PIK3C2G: variants seen among roughly 807,000 people sequenced by gnomAD.
PIK3C2G encodes phosphatidylinositol-4-phosphate 3-kinase catalytic subunit type 2 gamma.
Under a neutral mutation model 181.1 loss-of-function variants are expected in PIK3C2G, and 168 were observed. The observed-to-expected ratio is 0.93, with a 90% CI of 0.82 to 1.05. The LOEUF (loss-of-function observed/expected upper bound fraction) is 1.05, where lower values mean the gene tolerates loss of function less well. Among genes scored for constraint, PIK3C2G ranks in the 50% least tolerant of loss-of-function variants. The probability of loss-of-function intolerance (pLI) is 0.00; values close to 1 mark genes in which losing one functional copy is unlikely to be tolerated. For missense variants in PIK3C2G, 1,869 were observed against 1,732.8 expected, an observed-to-expected ratio of 1.08 and a Z score of -1.40; for synonymous variants, 573 against 592.2, an observed-to-expected ratio of 0.97 and a Z score of 0.47.
At chr12:18,400,668 A>G (rs1333968187) in intron 16 of PIK3C2G, among the ~76,000 whole-genome samples, 6 of 152,102 alleles carry the variant, frequency 3.9e-5, no homozygotes, top group Non-Finnish European at 5.9e-5. Context: ...TTATTTACCA[A>G]TGAGTGTCCT....
Position 18,618,283 on chromosome 12 carries a change from A to G in PIK3C2G, c.4182+8654A>G, listed in dbSNP as rs182931089. ...CTGTGTTTGCCAGAGACTATAGGAA[A>G]GTCCCCGATAAAAGACAGAAGGGTA... On this transcript the variant is annotated intron_variant, in intron 31 of 32. Transcript: ENST00000538779. 3.5e-3 allele frequency among the ~76,000 whole-genome samples: 532 copies of G among 152,232 alleles called. 2 individuals are homozygous for G. The highest frequency in any genetic ancestry group is 4.5e-3 in the Non-Finnish European group (306 of 68,012).
chr12:18,480,076 G>A (rs535540165), intron 18 of PIK3C2G, among the ~76,000 whole-genome samples: 8 of 152,264 alleles, frequency 5.3e-5, no homozygotes, highest in Admixed American at 1.3e-4. Flanking sequence ...AGTGGCTGGA[G>A]CCAAGGCTTT....
At chr12:18,353,147 A>G (rs545218278) in intron 11 of PIK3C2G, among the ~76,000 whole-genome samples, 148 of 152,258 alleles carry the variant, frequency 9.7e-4, no homozygotes, top group African/African-American at 3.3e-3. Context: ...TAAAATATGG[A>G]AGATGACCAA....
intron 18 of PIK3C2G, among the ~76,000 whole-genome samples, chr12:18,436,275 T>G (rs1946442973): frequency 6.6e-6 from 1 of 152,066 alleles, no homozygotes; most frequent in Admixed American, 6.6e-5. Flanking sequence ...AATTTTTCCA[T>G]AAACCCCAAA....
intron 5 of PIK3C2G, among the ~76,000 whole-genome samples, chr12:18,307,220 TG>T (rs35904530): frequency 0.76 from 114,005 of 150,842 alleles, 43,529 homozygotes; most frequent in East Asian, 0.94. Flanking sequence ...AGGGTAATTA[TG>T]GTGCTAGAAT....
At chr12:18,624,212 A>G (rs547858469) in intron 31 of PIK3C2G, among the ~76,000 whole-genome samples, 1 of 151,782 alleles carries the variant, frequency 6.6e-6, no homozygotes, top group South Asian at 2.1e-4. Flanking sequence ...TTCTTTCCAT[A>G]CCAAATTTCT....
At chr12:18,489,143 G>A (rs1429998350) in intron 19 of PIK3C2G, among the ~76,000 whole-genome samples, 1 of 151,872 alleles carries the variant, frequency 6.6e-6, no homozygotes. Flanking sequence ...AATGGACCTG[G>A]CTATTATTTT....
the PIK3C2G span, among the ~76,000 whole-genome samples, chr12:18,664,828 C>CA: frequency 3.3e-5 from 5 of 150,578 alleles, no homozygotes; most frequent in African/African-American, 7.3e-5. Flanking sequence ...TATGCAGCCA[C>CA]AAAAAATGAT....
At chr12:18,665,871 G>A in the PIK3C2G span, among the ~76,000 whole-genome samples, 1 of 150,482 alleles carries the variant, frequency 6.6e-6, no homozygotes, top group African/African-American at 2.4e-5. Context: ...GTAGGCAGAG[G>A]TTGCAGTGAG....
intron 15 of PIK3C2G, among the ~76,000 whole-genome samples, chr12:18,391,886 T>TGGGAGA (rs140796987): frequency 1.3e-5 from 2 of 151,746 alleles, no homozygotes; most frequent in Admixed American, 1.3e-4. Flanking sequence ...TGTGTGTGTG[T>TGGGAGA]GTGAGAGAGA....
In PIK3C2G at chr12:18,274,129, T is replaced by C. The variant is rs939936495; in HGVS notation, c.-78-7875T>C. The stretch of plus-strand genomic sequence containing the variant: ...TACCACCTCACACCAGTTAGAATGG[T>C]GATCATTAAAAAGTCAGGAAACAAC... On this transcript the variant is annotated intron_variant, in intron 1 of 32. Transcript: ENST00000538779. Among the ~76,000 whole-genome samples the C allele has an allele frequency of 2.6e-3, 398 of 152,122 alleles. 1 individual carries two copies. The highest frequency in any genetic ancestry group is 9.1e-3 in the African/African-American group (376 of 41,520).
intron 29 of PIK3C2G, among the ~76,000 whole-genome samples, chr12:18,579,219 G>C (rs10841043): frequency 6.6e-6 from 1 of 151,974 alleles, no homozygotes; most frequent in Non-Finnish European, 1.5e-5. Flanking sequence ...TGAGTTTACA[G>C]TACTGTAATA....
intron 3 of PIK3C2G, among the ~76,000 whole-genome samples, chr12:18,289,701 T>C (rs1208115312): frequency 6.6e-6 from 1 of 152,184 alleles, no homozygotes; most frequent in Non-Finnish European, 1.5e-5. Flanking sequence ...TGGATACAGA[T>C]GCATGCCAGG....
chr12:18,396,977 A>G lies in PIK3C2G; in HGVS notation c.2127-2682A>G, dbSNP rs193013082. Reference sequence around the variant, plus strand: ...CCTAGAATAGTCAAAGCAATCATGAAAAAAGAACAAAGTCTCACTTCATAA... The same window carrying G: ...CCTAGAATAGTCAAAGCAATCATGAGAAAAGAACAAAGTCTCACTTCATAA... On this transcript the variant is annotated intron_variant, in intron 15 of 32. Coordinates refer to ENST00000538779, the MANE Select transcript of PIK3C2G (RefSeq NM_001288772.2). Among the ~76,000 whole-genome samples, 8 of 151,954 alleles carry G rather than the reference A, an allele frequency of 5.3e-5. No homozygotes were observed. In the East Asian group the frequency reaches 5.8e-4, roughly 11 times the overall value.
chr12:18,726,115 G>A, the PIK3C2G span, among the ~76,000 whole-genome samples: 15 of 152,238 alleles, frequency 9.9e-5, no homozygotes, highest in African/African-American at 3.4e-4. Context: ...TGAAACTGAT[G>A]AAATAAGTGC....
chr12:18,559,813 TATATATATAGAGAGAGAG>T (rs1430702887), intron 26 of PIK3C2G, among the ~76,000 whole-genome samples: 81 of 27,894 alleles, frequency 2.9e-3, no homozygotes, highest in African/African-American at 6.0e-3. Flanking sequence ...TATATATATA[TATATATATAGAGAGAGAG>T]AGAGAGAGAG....
chr12:18,250,386 T>C (rs181497086), intron 1 of PIK3C2G, among the ~76,000 whole-genome samples: 2 of 152,192 alleles, frequency 1.3e-5, no homozygotes, highest in East Asian at 3.9e-4. Context: ...GGAAAAAACA[T>C]ATTTGATTGA....
At chr12:18,709,531 C>CTT in the PIK3C2G span, among the ~76,000 whole-genome samples, 39 of 150,454 alleles carry the variant, frequency 2.6e-4, no homozygotes, top group Non-Finnish European at 3.5e-4. Flanking sequence ...AATTTTAGGA[C>CTT]TTTTTTTTTA....
the PIK3C2G span, chr12:18,684,164 C>A: frequency 6.2e-7 from 1 of 1,611,966 alleles, no homozygotes; most frequent in Non-Finnish European, 8.5e-7. Flanking sequence ...AAGTATATTG[C>A]CCAAGAAATT....
Sources: gnomAD v4.1 joint callset for allele counts (sites outside exome capture counted in the v4.1 genomes callset) on GRCh38, gnomAD v4.1.1 for gene constraint, MANE v1.5 for transcripts, NCBI Gene and HGNC (gene_info 2026-07-23, HGNC 2026-07-21) for gene names.